PPP1R11: variants seen among roughly 807,000 people sequenced by gnomAD.
PPP1R11 encodes E3 ubiquitin-protein ligase PPP1R11.
Under a neutral mutation model 11.3 loss-of-function variants are expected in PPP1R11, and 10 were observed. The observed-to-expected ratio is 0.88, with a 90% CI of 0.55 to 1.50. The LOEUF is 1.50. Among genes scored for constraint, PPP1R11 ranks in the 40% most tolerant of loss-of-function variants. The probability of loss-of-function intolerance (pLI) is 0.00; values close to 1 mark genes in which losing one functional copy is unlikely to be tolerated. For synonymous variants in PPP1R11, 56 were observed against 62.3 expected, an observed-to-expected ratio of 0.90 and a Z score of 0.48; for missense variants, 114 against 179.1, an observed-to-expected ratio of 0.64 and a Z score of 2.07.
upstream of PPP1R11, chr6:30,061,808 A>G: frequency 6.4e-7 from 1 of 1,550,896 alleles, no homozygotes; most frequent in East Asian, 2.2e-5. The surrounding 1 kb of genome is among the most constrained non-coding windows in gnomAD (Gnocchi z 5.0). Context: ...ATGAAAACTG[A>G]GGGAAAGGAT....
At chr6:30,061,660 A>T in the PPP1R11 span, 1 of 1,612,842 alleles carries the variant, frequency 6.2e-7, no homozygotes, top group African/African-American at 1.3e-5. This position sits in a 1 kb window ranked among gnomAD's most constrained non-coding sequence, Gnocchi z 5.0. Flanking sequence ...CTTCAACATC[A>T]ACGTTCGGGG....
upstream of PPP1R11, among the ~76,000 whole-genome samples, chr6:30,062,714 C>CCTTTTTTTTTTTTTTTTT (rs749507630): frequency 5.7e-4 from 24 of 42,392 alleles, 3 homozygotes; most frequent in African/African-American, 1.6e-3. Context: ...CCACGCCTGG[C>CCTTTTTTTTTTTTTTTTT]TTTTTTTTTT....
At chr6:30,068,782 C>T (rs1765720056) in intron 2 of PPP1R11, 84 bp downstream of exon 2, 1 of 1,190,458 alleles carries the variant, frequency 8.4e-7, no homozygotes, top group Non-Finnish European at 1.2e-6. Flanking sequence ...ACTGGCTTTC[C>T]AGAAGCCCCC....
chr6:30,062,141 C>A, upstream of PPP1R11: 2 of 1,445,270 alleles, frequency 1.4e-6, no homozygotes, highest in Non-Finnish European at 9.7e-7. Flanking sequence ...AAACCATCGA[C>A]GTTTGAGAGG....
upstream of PPP1R11, chr6:30,062,161 C>T (rs1375399643): frequency 8.0e-6 from 12 of 1,495,748 alleles, no homozygotes; most frequent in East Asian, 2.5e-4. Flanking sequence ...GCGTGATCGC[C>T]TGATTCCTGT....
chr6:30,064,498 A>C (rs1208652648), upstream of PPP1R11, among the ~76,000 whole-genome samples: 1 of 151,896 alleles, frequency 6.6e-6, no homozygotes, highest in African/African-American at 2.4e-5. Flanking sequence ...ATATATTTTT[A>C]ATCCCAGAAT....
rs1353206561 is a variant in PPP1R11 at position 30,067,748 on chromosome 6, C to T, written c.69+269C>T. ...GGTGGTTATGTGTGTAAGTAATAAA[C>T]GAAAGGGAAATTGAGGATTAAGGAG... On this transcript the variant is annotated intron_variant, in intron 1 of 2. Coordinates refer to ENST00000376772, the MANE Select transcript of PPP1R11 (RefSeq NM_021959.3). 1.7e-5 allele frequency: 7 copies of T among 411,654 alleles called. 1 individual carries two copies. The highest frequency in any genetic ancestry group is 2.6e-5 in the Non-Finnish European group (6 of 231,830). The allele number at this position is 411,654 out of a possible 1,614,324, so 25.5% of individuals were successfully genotyped here.
At chr6:30,062,714 C>CTTTTTTTTTTT (rs9278555), upstream of PPP1R11, among the ~76,000 whole-genome samples, 22 of 42,378 alleles carry the variant, frequency 5.2e-4, no homozygotes, top group East Asian at 4.8e-3. Flanking sequence ...CCACGCCTGG[C>CTTTTTTTTTTT]TTTTTTTTTT....
chr6:30,062,697 C>T (rs1765193238), upstream of PPP1R11, among the ~76,000 whole-genome samples: 1 of 137,238 alleles, frequency 7.3e-6, no homozygotes, highest in Non-Finnish European at 1.5e-5. Flanking sequence ...ACCACAGACA[C>T]ATGCCACCAC....
rs1369697171 is a variant in PPP1R11, at chr6:30,069,972, G to A, written c.*666G>A. The A allele has an allele frequency of 6.6e-6, 1 of 152,168 alleles. No individual in the cohort carries two copies. Among genetic ancestry groups the A allele is most frequent in the Non-Finnish European group, 1.5e-5 (1 of 68,034 alleles). 9.4% of individuals were successfully genotyped at this position (152,168 alleles called of 1,614,324 possible). On this transcript the variant is annotated 3_prime_UTR_variant, in exon 3 of 3. Coordinates refer to ENST00000376772, the MANE Select transcript of PPP1R11 (RefSeq NM_021959.3). The surrounding 1 kb of genome is among the most constrained non-coding windows in gnomAD (Gnocchi z 6.6). Reference sequence around the variant, plus strand: ...GTTATTTAGGATTTCTGACAAAGCTGGCTTGAGATTGGTCACTTAGAGCCG... The same window carrying A: ...GTTATTTAGGATTTCTGACAAAGCTAGCTTGAGATTGGTCACTTAGAGCCG...
chr6:30,062,543 A>ATTT (rs9278553), upstream of PPP1R11, among the ~76,000 whole-genome samples: 3 of 64,988 alleles, frequency 4.6e-5, no homozygotes, highest in Admixed American at 2.2e-4. Context: ...ACCTTTTAGG[A>ATTT]TTTTTTTTTT....
At chr6:30,061,797 G>A, upstream of PPP1R11, 6 of 1,553,408 alleles carry the variant, frequency 3.9e-6, 1 homozygote, top group South Asian at 2.3e-5. This position sits in a 1 kb window ranked among gnomAD's most constrained non-coding sequence, Gnocchi z 5.0. Context: ...TTGGTCTAGC[G>A]ATGAAAACTG....
chr6:30,062,714 CTTTTTTTTTTTTTT>C (rs9278555), upstream of PPP1R11, among the ~76,000 whole-genome samples: 31 of 42,390 alleles, frequency 7.3e-4, no homozygotes, highest in African/African-American at 2.7e-3. Flanking sequence ...CCACGCCTGG[CTTTTTTTTTTTTTT>C]TTTTTTTTTT....
At chr6:30,062,103 G>A, upstream of PPP1R11, 1 of 1,471,720 alleles carries the variant, frequency 6.8e-7, no homozygotes, top group Non-Finnish European at 9.5e-7. Context: ...AGAGTTTTGT[G>A]CCCAATTCCA....
chr6:30,066,008 C>G (rs1000494152), upstream of PPP1R11, among the ~76,000 whole-genome samples: 2 of 152,166 alleles, frequency 1.3e-5, no homozygotes, highest in African/African-American at 2.4e-5. Context: ...AGCTCTCAAA[C>G]ATAGCTATCT....
At chr6:30,061,764 C>A (rs902420418), upstream of PPP1R11, 1 of 1,575,222 alleles carries the variant, frequency 6.3e-7, no homozygotes. This position sits in a 1 kb window ranked among gnomAD's most constrained non-coding sequence, Gnocchi z 5.0. Context: ...GATCCTAGAG[C>A]AGGACATCAG....
At chr6:30,063,857 T>G (rs1185203763), upstream of PPP1R11, among the ~76,000 whole-genome samples, 1 of 152,186 alleles carries the variant, frequency 6.6e-6, no homozygotes, top group Non-Finnish European at 1.5e-5. This position sits in a 1 kb window ranked among gnomAD's most constrained non-coding sequence, Gnocchi z 4.1. Flanking sequence ...GAGCTGCAAA[T>G]CCATGTAAGG....
chr6:30,068,813 C>T, intron 2 of PPP1R11, 115 bp downstream of exon 2: 1 of 981,126 alleles, frequency 1.0e-6, no homozygotes, highest in Non-Finnish European at 1.5e-6. Context: ...AGTTCTGTCA[C>T]TTTTTTGGTG....
upstream of PPP1R11, among the ~76,000 whole-genome samples, chr6:30,064,145 C>T (rs1765324062): frequency 6.6e-6 from 1 of 152,118 alleles, no homozygotes; most frequent in Non-Finnish European, 1.5e-5. Flanking sequence ...TTTTAACTTC[C>T]CTGTCTGGAT....
Sources: allele counts gnomAD v4.1 joint callset (sites outside exome capture counted in the v4.1 genomes callset), GRCh38; gene constraint gnomAD v4.1.1; non-coding constraint Gnocchi (gnomAD v3.1); transcripts MANE v1.5; gene names NCBI Gene and HGNC (gene_info 2026-07-23, HGNC 2026-07-21).